RGS7BP: variants seen among roughly 807,000 people sequenced by gnomAD.
RGS7BP encodes regulator of G protein signaling 7-binding protein.
A neutral mutation model predicts 31.3 loss-of-function variants in RGS7BP; 9 were observed. The ratio of observed to expected loss-of-function variants is 0.29; its 90% CI spans 0.17 to 0.50. The LOEUF is 0.50. Among genes scored for constraint, RGS7BP ranks in the 20% least tolerant of loss-of-function variants. The pLI is 0.98. For synonymous variants in RGS7BP, 115 were observed against 120.1 expected (o/e 0.96, Z 0.28); for missense variants, 274 against 322.0 (o/e 0.85, Z 1.14).
At chr5:64,590,246 G>A (rs1217071681) in intron 3 of RGS7BP, among the ~76,000 whole-genome samples, 1 of 152,024 alleles carries the variant, frequency 6.6e-6, no homozygotes, top group African/African-American at 2.4e-5. Flanking sequence ...GAGAGAGAGA[G>A]AGAGAGAAGA....
intron 2 of RGS7BP, among the ~76,000 whole-genome samples, chr5:64,530,052 TGGTATCTTTGAA>T (rs1749331558): frequency 6.6e-6 from 1 of 152,238 alleles, no homozygotes; most frequent in South Asian, 2.1e-4. Flanking sequence ...AGTGTTCAGA[TGGTATCTTTGAA>T]GGATCACCAG....
intron 3 of RGS7BP, among the ~76,000 whole-genome samples, chr5:64,589,081 G>A (rs1742838564): frequency 6.6e-6 from 1 of 151,792 alleles, no homozygotes; most frequent in Non-Finnish European, 1.5e-5. Context: ...GGATCACTTA[G>A]GGCCAGGAGT....
At chr5:64,519,332 TA>T (rs769605219) in intron 2 of RGS7BP, among the ~76,000 whole-genome samples, 10 of 152,188 alleles carry the variant, frequency 6.6e-5, no homozygotes, top group Non-Finnish European at 1.5e-4. Flanking sequence ...TCCAGAAGCA[TA>T]AAGATGAATC....
At chr5:64,604,816 G>T (rs1743311812) in intron 5 of RGS7BP, among the ~76,000 whole-genome samples, 1 of 151,980 alleles carries the variant, frequency 6.6e-6, no homozygotes, top group South Asian at 2.1e-4. Flanking sequence ...AAATAAATTT[G>T]AGCAATAGAG....
At chr5:64,575,687 G>A in intron 2 of RGS7BP, 87 bp from the exon 3 acceptor site, 1 of 1,494,242 alleles carries the variant, frequency 6.7e-7, no homozygotes, top group Middle Eastern at 1.9e-4. Context: ...TCTTTATTGA[G>A]CATTTTTCCC....
chr5:64,529,192 G>A (rs1749311700), intron 2 of RGS7BP, among the ~76,000 whole-genome samples: 1 of 152,124 alleles, frequency 6.6e-6, no homozygotes, highest in African/African-American at 2.4e-5. Context: ...TTTAAAAATA[G>A]TCCAAGGTCT....
intron 5 of RGS7BP, among the ~76,000 whole-genome samples, chr5:64,606,578 C>A (rs959755535): frequency 1.3e-5 from 2 of 152,078 alleles, no homozygotes; most frequent in Non-Finnish European, 2.9e-5. Context: ...CAAAGAGACA[C>A]TGAAAGGTAA....
intron 3 of RGS7BP, among the ~76,000 whole-genome samples, chr5:64,586,169 G>A (rs1375894656): frequency 2.6e-5 from 4 of 152,090 alleles, no homozygotes; most frequent in Non-Finnish European, 4.4e-5. Flanking sequence ...CCTGCCAAAG[G>A]GGGTGATGCT....
intron 5 of RGS7BP, among the ~76,000 whole-genome samples, chr5:64,604,727 T>C (rs373085690): frequency 5.9e-4 from 90 of 152,304 alleles, no homozygotes; most frequent in African/African-American, 1.9e-3. Flanking sequence ...TCTCTCTTTT[T>C]TTCCCTGGAA....
At chr5:64,547,940 T>C (rs990096590) in intron 2 of RGS7BP, among the ~76,000 whole-genome samples, 1 of 152,126 alleles carries the variant, frequency 6.6e-6, no homozygotes, top group Non-Finnish European at 1.5e-5. Flanking sequence ...AAATCAACTA[T>C]TGACATAAAA....
chr5:64,554,134 C>T lies in RGS7BP; in HGVS notation c.333-21640C>T, dbSNP rs75278752. Among the ~76,000 whole-genome samples the T allele has an allele frequency of 6.3e-4, 96 of 152,262 alleles. No individual in the cohort carries two copies. The East Asian group carries it at 0.017, about 27-fold the overall frequency. ...CCTCTGGATTTCAGTTTGGCTTGGT[C>T]AATCGGGAACTCTGGCAGGACATTG... On this transcript the variant is annotated intron_variant, in intron 2 of 5. Coordinates refer to ENST00000334025, the MANE Select transcript of RGS7BP (RefSeq NM_001029875.3).
At chr5:64,518,100 A>G (rs1393932001) in intron 2 of RGS7BP, among the ~76,000 whole-genome samples, 7 of 152,286 alleles carry the variant, frequency 4.6e-5, no homozygotes, top group African/African-American at 1.7e-4. Context: ...TCATTAAGGG[A>G]AATTGGACTT....
chr5:64,578,706 T>C (rs1742502749), intron 3 of RGS7BP, among the ~76,000 whole-genome samples: 1 of 152,196 alleles, frequency 6.6e-6, no homozygotes, highest in African/African-American at 2.4e-5. Context: ...CCCATGCTGA[T>C]GAAAAGCAAA....
intron 3 of RGS7BP, among the ~76,000 whole-genome samples, chr5:64,581,399 A>G (rs1580452075): frequency 6.6e-6 from 1 of 152,162 alleles, no homozygotes; most frequent in Non-Finnish European, 1.5e-5. Context: ...TTTCATTAGG[A>G]TGAGATACTG....
intron 2 of RGS7BP, among the ~76,000 whole-genome samples, chr5:64,535,128 G>A (rs116431871): frequency 0.01 from 1,571 of 152,216 alleles, 34 homozygotes; most frequent in African/African-American, 0.036. Context: ...AGCAGCCAGA[G>A]GAGCACTGGG....
intron 2 of RGS7BP, among the ~76,000 whole-genome samples, chr5:64,569,479 T>C (rs1273522157): frequency 6.6e-6 from 1 of 152,176 alleles, no homozygotes; most frequent in Non-Finnish European, 1.5e-5. Flanking sequence ...GTACTCATTT[T>C]GGTATGAAAT....
At chr5:64,524,043 A>G (rs1256445081) in intron 2 of RGS7BP, among the ~76,000 whole-genome samples, 1 of 152,184 alleles carries the variant, frequency 6.6e-6, no homozygotes, top group East Asian at 1.9e-4. Context: ...CCCTAAGGGG[A>G]AAAAAACTTC....
chr5:64,507,364 C>G (rs1227090267), intron 1 of RGS7BP, among the ~76,000 whole-genome samples: 2 of 152,168 alleles, frequency 1.3e-5, no homozygotes, highest in Non-Finnish European at 2.9e-5. Context: ...AGGGGACCGT[C>G]TATGTAGGAG....
intron 3 of RGS7BP, among the ~76,000 whole-genome samples, chr5:64,587,946 A>C (rs1742802474): frequency 6.6e-6 from 1 of 152,182 alleles, no homozygotes; most frequent in South Asian, 2.1e-4. Flanking sequence ...GAGGTCCTGA[A>C]AAACAAATTT....
Sources: gnomAD v4.1 joint callset for allele counts (sites outside exome capture counted in the v4.1 genomes callset) on GRCh38, gnomAD v4.1.1 for gene constraint, MANE v1.5 for transcripts, NCBI Gene and HGNC (gene_info 2026-07-23, HGNC 2026-07-21) for gene names.